The following CPPED1 variants were observed in gnomAD, a reference collection of about 807,000 sequenced individuals.
The protein encoded by CPPED1 is serine/threonine-protein phosphatase CPPED1.
A neutral mutation model predicts 28.0 loss-of-function variants in CPPED1; 28 were observed. That is an observed-to-expected ratio of 1.00 (90% CI 0.74 to 1.37). CPPED1 has a LOEUF of 1.37. Among genes scored for constraint, CPPED1 ranks in the 40% most tolerant of loss-of-function variants. CPPED1 has a pLI of 0.00. For missense variants in CPPED1, 504 were observed against 416.5 expected, an observed-to-expected ratio of 1.21 and a Z score of -1.83; for synonymous variants, 198 against 180.2, an observed-to-expected ratio of 1.10 and a Z score of -0.79.
chr16:12,712,916 CAA>C (rs1304292498), intron 2 of CPPED1, among the ~76,000 whole-genome samples: 1 of 151,870 alleles, frequency 6.6e-6, no homozygotes, highest in East Asian at 1.9e-4. Context: ...GAAAAATAAT[CAA>C]GACATTAAAA....
intron 3 of CPPED1, among the ~76,000 whole-genome samples, chr16:12,674,359 T>A (rs2079867471): frequency 6.6e-6 from 1 of 151,940 alleles, no homozygotes; most frequent in Admixed American, 6.6e-5. Flanking sequence ...AAACGAGGAA[T>A]GAGATGTTGA....
Position 12,697,120 on chromosome 16 carries a change from G to A in CPPED1, c.715+7504C>T, listed in dbSNP as rs1480717904. 5.9e-5 allele frequency among the ~76,000 whole-genome samples: 9 copies of A among 152,188 alleles called. No individual in the cohort carries two copies. The East Asian group carries it at 1.5e-3, about 26-fold the overall frequency. Reference sequence around the variant, plus strand: ...GCTCACTGTAACCTCTGCCTCCCAGGTTCAAGCCAATGTCCTGCCTTAGCC... The same window carrying A: ...GCTCACTGTAACCTCTGCCTCCCAGATTCAAGCCAATGTCCTGCCTTAGCC... On this transcript the variant is annotated intron_variant, in intron 3 of 3. Coordinates refer to ENST00000381774, the MANE Select transcript of CPPED1 (RefSeq NM_018340.3).
intron 3 of CPPED1, among the ~76,000 whole-genome samples, chr16:12,668,714 G>A (rs779592217): frequency 6.6e-5 from 10 of 152,202 alleles, no homozygotes; most frequent in African/African-American, 2.2e-4. Flanking sequence ...ACAAATGGCC[G>A]ATAATTACAT....
At chr16:12,734,938 G>A (rs1439382038) in intron 2 of CPPED1, among the ~76,000 whole-genome samples, 1 of 152,248 alleles carries the variant, frequency 6.6e-6, no homozygotes, top group East Asian at 1.9e-4. Flanking sequence ...GCTCTCCCAT[G>A]CCCATCACCA....
chr16:12,662,846 G>T lies in CPPED1; in HGVS notation c.*2040C>A, dbSNP rs1051062218. Reference sequence around the variant, plus strand: ...TTTGAATCAGTTCTTTTAAGTTTTTGGGGAAGGAGATTTGGTTTCATTTTC... The same window carrying T: ...TTTGAATCAGTTCTTTTAAGTTTTTTGGGAAGGAGATTTGGTTTCATTTTC... On this transcript the variant is annotated 3_prime_UTR_variant, in exon 4 of 4. Coordinates refer to ENST00000381774, the MANE Select transcript of CPPED1 (RefSeq NM_018340.3). 5.9e-5 allele frequency: 9 copies of T among 151,978 alleles called. No homozygotes were observed. The highest frequency in any genetic ancestry group is 2.2e-4 in the African/African-American group (9 of 41,366). 9.4% of individuals were successfully genotyped at this position (151,978 alleles called of 1,614,324 possible).
At chr16:12,732,007 A>G (rs2080200356) in intron 2 of CPPED1, among the ~76,000 whole-genome samples, 1 of 152,102 alleles carries the variant, frequency 6.6e-6, no homozygotes, top group African/African-American at 2.4e-5. Flanking sequence ...TACTAAAAAT[A>G]CAAAAAGTAG....
chr16:12,666,958 A>G (rs1464861880), intron 3 of CPPED1, among the ~76,000 whole-genome samples: 3 of 151,970 alleles, frequency 2.0e-5, no homozygotes, highest in Non-Finnish European at 2.9e-5. Context: ...GAGTCTAGGA[A>G]GGAAGGAGAG....
intron 2 of CPPED1, among the ~76,000 whole-genome samples, chr16:12,763,562 T>C (rs77393126): frequency 0.039 from 5,981 of 152,312 alleles, 387 homozygotes; most frequent in African/African-American, 0.14. Flanking sequence ...AGCACTTTTA[T>C]AGATTATTTC....
chr16:12,728,572 T>C (rs1036035019), intron 2 of CPPED1, among the ~76,000 whole-genome samples: 1 of 152,110 alleles, frequency 6.6e-6, no homozygotes, highest in Non-Finnish European at 1.5e-5. Flanking sequence ...ATGAATATAC[T>C]AGCGATCACT....
intron 3 of CPPED1, among the ~76,000 whole-genome samples, chr16:12,693,362 T>C (rs918428237): frequency 8.5e-5 from 13 of 152,074 alleles, no homozygotes; most frequent in Non-Finnish European, 1.9e-4. Context: ...CCTGGACTCA[T>C]TTTTTGTGTT....
chr16:12,776,513 G>T (rs1237670680), intron 2 of CPPED1, among the ~76,000 whole-genome samples: 1 of 152,126 alleles, frequency 6.6e-6, no homozygotes, highest in Non-Finnish European at 1.5e-5. Flanking sequence ...GAACTGGGGG[G>T]GTTCTTTCTC....
At chr16:12,758,122 AG>A (rs1310168517) in intron 2 of CPPED1, among the ~76,000 whole-genome samples, 2 of 152,238 alleles carry the variant, frequency 1.3e-5, no homozygotes, top group East Asian at 3.9e-4. Context: ...AGTACCATGC[AG>A]TTGAACACCA....
chr16:12,692,108 C>A (rs965071053), intron 3 of CPPED1, among the ~76,000 whole-genome samples: 3 of 152,132 alleles, frequency 2.0e-5, no homozygotes, highest in South Asian at 4.1e-4. Flanking sequence ...CCTGCCTCGG[C>A]CTCCCAAAGT....
intron 2 of CPPED1, among the ~76,000 whole-genome samples, chr16:12,748,431 T>C (rs1462258047): frequency 6.6e-6 from 1 of 152,200 alleles, no homozygotes; most frequent in Non-Finnish European, 1.5e-5. Flanking sequence ...GCTTATATAT[T>C]TCTGAGGAAT....
At chr16:12,765,247 G>A (rs1452972411) in intron 2 of CPPED1, among the ~76,000 whole-genome samples, 1 of 152,174 alleles carries the variant, frequency 6.6e-6, no homozygotes, top group Non-Finnish European at 1.5e-5. Context: ...CGTTACTCAG[G>A]TAGTGATCCA....
intron 2 of CPPED1, among the ~76,000 whole-genome samples, chr16:12,749,224 G>C (rs758548088): frequency 2.6e-5 from 4 of 152,194 alleles, no homozygotes; most frequent in Non-Finnish European, 5.9e-5. Context: ...CCAAATTGCA[G>C]TGAATTATCT....
intron 3 of CPPED1, among the ~76,000 whole-genome samples, chr16:12,689,384 G>A (rs11865647): frequency 0.02 from 2,250 of 111,582 alleles, 51 homozygotes; most frequent in African/African-American, 0.054. Flanking sequence ...ACACCACCAT[G>A]CCTGGCTAAT....
chr16:12,707,521 C>T (rs2080057911), intron 2 of CPPED1, among the ~76,000 whole-genome samples: 1 of 152,182 alleles, frequency 6.6e-6, no homozygotes, highest in Non-Finnish European at 1.5e-5. Context: ...CTTTATAATA[C>T]ACTGGGGTGC....
chr16:12,769,654 G>A (rs1237566457), intron 2 of CPPED1, among the ~76,000 whole-genome samples: 1 of 152,098 alleles, frequency 6.6e-6, no homozygotes, highest in South Asian at 2.1e-4. Context: ...TGATTTCACC[G>A]GGCTCATACT....
Sources: allele counts gnomAD v4.1 joint callset (sites outside exome capture counted in the v4.1 genomes callset), GRCh38; gene constraint gnomAD v4.1.1; transcripts MANE v1.5; gene names NCBI Gene and HGNC (gene_info 2026-07-23, HGNC 2026-07-21).